The following CHRND variants were observed in gnomAD, a reference collection of about 807,000 sequenced individuals.
The protein encoded by CHRND is cholinergic receptor nicotinic delta subunit.
Under a neutral mutation model 57.8 loss-of-function variants are expected in CHRND, and 40 were observed. The observed-to-expected ratio is 0.69, with a 90% CI of 0.54 to 0.90. The LOEUF (loss-of-function observed/expected upper bound fraction) is 0.90. CHRND is among the 40% of genes least tolerant of loss of function. The probability of loss-of-function intolerance (pLI) is 0.00; values close to 1 mark genes in which losing one functional copy is unlikely to be tolerated. For missense variants in CHRND, 634 were observed against 673.9 expected (o/e 0.94, Z 0.66); for synonymous variants, 237 against 270.6 (o/e 0.88, Z 1.22).
At position 232,535,326 on chromosome 2, in the gene CHRND, G is replaced by A. The variant is rs1691848149; in HGVS notation, c.*14G>A. 6.2e-7 allele frequency: 1 copy of A among 1,611,774 alleles called. No homozygotes were observed. Among genetic ancestry groups the A allele is most frequent in the Non-Finnish European group, 8.5e-7 (1 of 1,180,024 alleles). On this transcript the variant is annotated 3_prime_UTR_variant, in exon 12 of 12. Transcript: ENST00000258385. ...CGCTTCATCTAGGGTGGGCCTGTTG[G>A]GGAGCCAGGAGACAGCAGGGTCTGA...
In CHRND at chr2:232,528,585, C is replaced by T. The variant is rs1313717334; in HGVS notation, c.438C>T (p.Ile146=). The change falls in exon 5 of 12, where the codon ATC becomes ATT. Residue 146 remains isoleucine (I), a synonymous_variant. Transcript: ENST00000258385. The part of the protein sequence containing the change: ...YGFVYWLPPA[I]FRSSCPISVT... Reference sequence around the variant, plus strand: ...TCGTGTACTGGCTGCCACCTGCCATCTTCCGCTCCTCCTGCCCCATCTCTG... The same window carrying T: ...TCGTGTACTGGCTGCCACCTGCCATTTTCCGCTCCTCCTGCCCCATCTCTG... The T allele has an allele frequency of 7.4e-6, 12 of 1,614,060 alleles. No homozygotes were observed. The highest frequency in any genetic ancestry group is 1.3e-5 in the African/African-American group (1 of 74,926).
rs148939701 is a variant in CHRND, at chr2:232,535,158, G to T, written c.1400G>T (p.Arg467Leu). The T allele has an allele frequency of 2.5e-6, 4 of 1,614,042 alleles. No individual in the cohort carries two copies. Among genetic ancestry groups the T allele is most frequent in the Non-Finnish European group, 2.5e-6 (3 of 1,180,038 alleles). Residue 467 changes from arginine (R) to leucine (L), a missense_variant, in exon 12 of 12, where the codon CGC becomes CTC. Transcript: ENST00000258385. The part of the protein sequence containing the change: ...EEKDSWNRVA[R>L]TVDRLCLFVV... ...AAAGACAGCTGGAACCGAGTGGCCC[G>T]CACAGTGGACCGCCTCTGCCTGTTT... is the stretch of plus-strand genomic sequence containing the variant.
chr2:232,531,349 C>T lies in CHRND; in HGVS notation c.821-3C>T. ...AGGTCACAGCTAAGTCTGGCTTCCC[C>T]AGGTGGTGAGAAGACATCAGTGGCC... On this transcript the variant is annotated splice_region_variant and splice_polypyrimidine_tract_variant and intron_variant, in intron 7 of 11. Coordinates refer to ENST00000258385, the MANE Select transcript of CHRND (RefSeq NM_000751.3). 2 of 1,610,468 alleles carry T rather than the reference C, an allele frequency of 1.2e-6. No individual in the cohort carries two copies. Among genetic ancestry groups the T allele is most frequent in the East Asian group, 4.5e-5 (2 of 44,846 alleles).
intron 2 of CHRND, among the ~76,000 whole-genome samples, chr2:232,527,029 T>C (rs1691497917): frequency 6.6e-6 from 1 of 152,170 alleles, no homozygotes; most frequent in African/African-American, 2.4e-5. Flanking sequence ...CTGGGTGTGG[T>C]GGCTCATGCC....
chr2:232,534,498 G>C (rs547089072), intron 11 of CHRND, among the ~76,000 whole-genome samples, 156 bp downstream of exon 11: 13 of 152,222 alleles, frequency 8.5e-5, no homozygotes, highest in Non-Finnish European at 1.3e-4. Flanking sequence ...GCCAGGGAGA[G>C]AGAACTCCTG....
At chr2:232,528,732 C>T (rs1437312113) in intron 5 of CHRND, 76 bp downstream of exon 5, 1 of 1,605,532 alleles carries the variant, frequency 6.2e-7, no homozygotes, top group African/African-American at 1.3e-5. Flanking sequence ...GAAGCACCCT[C>T]AGACAGAGGC....
chr2:232,534,484 C>A, intron 11 of CHRND, 142 bp downstream of exon 11: 1 of 894,996 alleles, frequency 1.1e-6, no homozygotes, highest in Admixed American at 2.0e-5. Flanking sequence ...TTCCAGGCCC[C>A]CCCGCCAGGG....
In CHRND at chr2:232,526,578, A is replaced by G. The variant is rs780478522; in HGVS notation, c.102A>G (p.Gln34=). The change falls in exon 2 of 12, where the codon CAA becomes CAG. Residue 34 remains glutamine (Q), a synonymous_variant. Transcript: ENST00000258385. Reference sequence around the variant, plus strand: ...AGCGGCTGATCCGGCACCTGTTTCAAGAGAAGGGCTACAACAAGGAGCTCC... The same window carrying G: ...AGCGGCTGATCCGGCACCTGTTTCAGGAGAAGGGCTACAACAAGGAGCTCC... The part of the protein sequence containing the change: ...EEERLIRHLF[Q]EKGYNKELRP... 6 of 1,613,792 alleles carry G rather than the reference A, an allele frequency of 3.7e-6. No individual in the cohort carries two copies. Among genetic ancestry groups the G allele is most frequent in the Non-Finnish European group, 5.1e-6 (6 of 1,180,026 alleles).
In CHRND at chr2:232,527,763, G is replaced by A. The variant is rs541125277; in HGVS notation, c.243+318G>A. Among the ~76,000 whole-genome samples the A allele has an allele frequency of 1.2e-3, 179 of 152,274 alleles. 1 individual carries two copies. Among genetic ancestry groups the A allele is most frequent in the Non-Finnish European group, 1.7e-3 (119 of 68,020 alleles). ...CATCTCAAAAAAAAGAGAATGCCCC[G>A]CCCAGAGCCGGTGGGGTCGGGGAGG... On this transcript the variant is annotated intron_variant, in intron 3 of 11. Transcript: ENST00000258385.
chr2:232,531,596 C>G lies in CHRND; in HGVS notation c.987C>G (p.Ile329Met). 6.2e-7 allele frequency: 1 copy of G among 1,614,018 alleles called. No individual in the cohort carries two copies. The highest frequency in any genetic ancestry group is 1.7e-5 in the Admixed American group (1 of 60,024). The change falls in exon 9 of 12, where the codon ATC (isoleucine) becomes ATG (methionine). Residue 329 changes from isoleucine (I) to methionine (M), a missense_variant. Physicochemically the swap from Ile to Met is conservative, Grantham distance 10. Transcript: ENST00000258385. ...CCATGGTTGTGGTGATCTGTGTCAT[C>G]GTGCTCAACATCCACTTCCGAACAC... is the stretch of plus-strand genomic sequence containing the variant. ...LVTMVVVICV[I>M]VLNIHFRTPS...
At chr2:232,532,815 T>G (rs12466358) in intron 9 of CHRND, among the ~76,000 whole-genome samples, 34,679 of 152,120 alleles carry the variant, frequency 0.23, 4,566 homozygotes, top group East Asian at 0.37. Context: ...GTTCACTATC[T>G]CATCACTGGT....
In CHRND at chr2:232,532,215, C is replaced by T. The variant is rs916187438; in HGVS notation, c.1047+559C>T. Among the ~76,000 whole-genome samples the T allele has an allele frequency of 2.0e-5, 3 of 152,034 alleles. 1 individual carries two copies. In the South Asian group the frequency reaches 6.2e-4, roughly 32 times the overall value. ...GGGTGTGGTAGCTCACACCTATAAT[C>T]CCAGCACTTTGGGTGGCTGAGGCGG... On this transcript the variant is annotated intron_variant, in intron 9 of 11. Transcript: ENST00000258385.
At position 232,535,328 on chromosome 2, in the gene CHRND, G is replaced by C; in HGVS notation, c.*16G>C. 1 of 1,611,532 alleles carries C rather than the reference G, an allele frequency of 6.2e-7. No individual in the cohort carries two copies. The highest frequency in any genetic ancestry group is 1.1e-5 in the South Asian group (1 of 91,086). On this transcript the variant is annotated 3_prime_UTR_variant, in exon 12 of 12. Coordinates refer to ENST00000258385, the MANE Select transcript of CHRND (RefSeq NM_000751.3). ...CTTCATCTAGGGTGGGCCTGTTGGG[G>C]AGCCAGGAGACAGCAGGGTCTGAGA...
chr2:232,531,626 C>T lies in CHRND; in HGVS notation c.1017C>T (p.Ser339=), dbSNP rs1196586081. Residue 339 remains serine, a synonymous_variant, in exon 9 of 12, where the codon AGC becomes AGT. Coordinates refer to ENST00000258385, the MANE Select transcript of CHRND (RefSeq NM_000751.3). ...TCAACATCCACTTCCGAACACCCAG[C>T]ACCCATGTGCTGTCTGAGGGGGTCA... The part of the protein sequence containing the change: ...IVLNIHFRTP[S]THVLSEGVKK... 1.2e-6 allele frequency: 2 copies of T among 1,613,676 alleles called. No homozygotes were observed. Among genetic ancestry groups the T allele is most frequent in the African/African-American group, 2.7e-5 (2 of 74,906 alleles).
chr2:232,533,971 G>T lies in CHRND; in HGVS notation c.1088G>T (p.Arg363Leu). The T allele has an allele frequency of 6.2e-7, 1 of 1,613,544 alleles. No homozygotes were observed. The highest frequency in any genetic ancestry group is 8.5e-7 in the Non-Finnish European group (1 of 1,179,994). Residue 363 changes from arginine (R) to leucine (L), a missense_variant, in exon 10 of 12, where the codon CGC becomes CTC. Arg to Leu is a moderately radical substitution (Grantham distance 102). Transcript: ENST00000258385. ...ETLPELLHMS[R>L]PAEDGPSPGA... ...CTGCCGGAGCTCCTGCACATGTCCCGCCCAGCAGAGGATGGACCCAGCCCT... is the reference window on the plus strand; with the variant it reads ...CTGCCGGAGCTCCTGCACATGTCCCTCCCAGCAGAGGATGGACCCAGCCCT...
At chr2:232,527,354 A>T (rs752999421) in intron 2 of CHRND, 47 bp from the exon 3 acceptor site, 1 of 1,504,476 alleles carries the variant, frequency 6.6e-7, no homozygotes, top group Non-Finnish European at 9.3e-7. Context: ...GTGTGCGGAT[A>T]AAAGAATGAT....
intron 6 of CHRND, among the ~76,000 whole-genome samples, chr2:232,529,606 T>C (rs1016238485): frequency 4.6e-5 from 7 of 152,246 alleles, no homozygotes; most frequent in African/African-American, 1.4e-4. Flanking sequence ...CTGAGAGCAT[T>C]TGTTTGACTT....
intron 7 of CHRND, 92 bp from the exon 8 acceptor site, chr2:232,531,260 C>T (rs1168240136): frequency 1.1e-6 from 1 of 869,884 alleles, no homozygotes; most frequent in Non-Finnish European, 2.0e-6. Flanking sequence ...CCAGGGGCCA[C>T]AGCGGGACCC....
At chr2:232,533,281 A>G (rs1691773149) in intron 9 of CHRND, among the ~76,000 whole-genome samples, 1 of 152,202 alleles carries the variant, frequency 6.6e-6, no homozygotes, top group Non-Finnish European at 1.5e-5. Flanking sequence ...CGGCTTCCCA[A>G]AGAGCTGGGA....
Sources: allele counts gnomAD v4.1 joint callset (sites outside exome capture counted in the v4.1 genomes callset), GRCh38; gene constraint gnomAD v4.1.1; transcripts MANE v1.5; gene names NCBI Gene and HGNC (gene_info 2026-07-23, HGNC 2026-07-21).